RAB12: variants seen among roughly 807,000 people sequenced by gnomAD.
RAB12 encodes the protein ras-related protein Rab-12.
RAB12 carries 11 observed loss-of-function variants against 28.4 expected under a neutral mutation model. The ratio of observed to expected loss-of-function variants is 0.39; its 90% CI spans 0.24 to 0.64. RAB12 has a LOEUF of 0.64. Ranked by LOEUF, RAB12 falls within the 30% of genes least tolerant of loss-of-function variation. RAB12 has a pLI of 0.50. For synonymous variants in RAB12, 138 were observed against 145.3 expected, an observed-to-expected ratio of 0.95 and a Z score of 0.36; for missense variants, 276 against 351.1, an observed-to-expected ratio of 0.79 and a Z score of 1.71.
chr18:8,635,385 C>T (rs1054533301), intron 3 of RAB12, 148 bp from the exon 4 acceptor site: 2 of 616,650 alleles, frequency 3.2e-6, no homozygotes, highest in Non-Finnish European at 5.6e-6. Flanking sequence ...GCTGCCCAGT[C>T]CTGCCTGGGA....
At chr18:8,635,389 C>T in intron 3 of RAB12, 144 bp from the exon 4 acceptor site, 1 of 627,566 alleles carries the variant, frequency 1.6e-6, no homozygotes, top group Admixed American at 3.0e-5. Flanking sequence ...CCCAGTCCTG[C>T]CTGGGAACTG....
intron 1 of RAB12, among the ~76,000 whole-genome samples, chr18:8,621,346 C>T (rs1184339291): frequency 6.6e-6 from 1 of 152,102 alleles, no homozygotes; most frequent in Non-Finnish European, 1.5e-5. Context: ...AATGTTTAGT[C>T]ATGTACTTTG....
intron 3 of RAB12, 36 bp downstream of exon 3, chr18:8,633,363 C>T (rs1450564924): frequency 6.2e-7 from 1 of 1,609,102 alleles, no homozygotes; most frequent in Non-Finnish European, 8.5e-7. Flanking sequence ...TGTGAACTCT[C>T]TGCTTGTGAG....
rs147025532 is a variant in RAB12 at position 8,637,973 on chromosome 18, G to A, written c.910-176G>A. On this transcript the variant is annotated intron_variant, in intron 5 of 5. Transcript: ENST00000649141. The stretch of plus-strand genomic sequence containing the variant: ...AGGGATTGGTCTTGCTGTCTCTTCC[G>A]GGTGGCAGAGGCGGAGGAGAAGGTG... 6.4e-4 allele frequency among the ~76,000 whole-genome samples: 98 copies of A among 152,170 alleles called. No homozygotes were observed. The East Asian group carries it at 0.015, about 23-fold the overall frequency.
At chr18:8,616,605 T>G (rs572261439) in intron 1 of RAB12, among the ~76,000 whole-genome samples, 1 of 152,156 alleles carries the variant, frequency 6.6e-6, no homozygotes, top group Non-Finnish European at 1.5e-5. Flanking sequence ...GCTGGCTTCC[T>G]CTCACCTCTT....
At chr18:8,619,599 A>T (rs2096008623) in intron 1 of RAB12, among the ~76,000 whole-genome samples, 1 of 152,078 alleles carries the variant, frequency 6.6e-6, no homozygotes, top group Non-Finnish European at 1.5e-5. Flanking sequence ...CACCCATCTG[A>T]CTTTTATTAT....
chr18:8,633,776 C>G (rs2096017289), intron 3 of RAB12, among the ~76,000 whole-genome samples: 1 of 152,164 alleles, frequency 6.6e-6, no homozygotes, highest in Admixed American at 6.5e-5. Context: ...TATAGATGCC[C>G]TTTAGCTCCT....
intron 1 of RAB12, among the ~76,000 whole-genome samples, chr18:8,619,135 C>T (rs1330358866): frequency 6.6e-6 from 1 of 152,104 alleles, no homozygotes; most frequent in Non-Finnish European, 1.5e-5. Flanking sequence ...GACTTACTTC[C>T]AAGTCTATGG....
intron 2 of RAB12, among the ~76,000 whole-genome samples, chr18:8,626,242 GTGTT>G (rs1351440822): frequency 6.6e-6 from 1 of 152,228 alleles, no homozygotes; most frequent in Non-Finnish European, 1.5e-5. Flanking sequence ...TGGCAACAAA[GTGTT>G]TGGCACACAA....
chr18:8,610,918 T>C (rs1240406559), intron 1 of RAB12, among the ~76,000 whole-genome samples: 1 of 152,208 alleles, frequency 6.6e-6, no homozygotes, highest in Non-Finnish European at 1.5e-5. Context: ...TATTTATTAA[T>C]AGTGTTATAA....
intron 2 of RAB12, among the ~76,000 whole-genome samples, chr18:8,630,547 C>T (rs1288926290): frequency 6.6e-6 from 1 of 152,158 alleles, no homozygotes; most frequent in African/African-American, 2.4e-5. Flanking sequence ...CTCATCATGG[C>T]CAGCACCAGC....
rs756277789 is a variant in RAB12, at chr18:8,636,359, T to TA, written c.909+10dup. ...CTTGTCGATGACATTCTGAAAAAGG[T>TA]AAAAAAAAGAATCTACATTATAAAA... On this transcript the variant is annotated splice_region_variant and intron_variant, in intron 5 of 5. Transcript: ENST00000649141. 110 of 1,535,918 alleles carry TA rather than the reference T, an allele frequency of 7.2e-5. No homozygotes were observed. Among genetic ancestry groups the TA allele is most frequent in the Middle Eastern group, 3.4e-4 (2 of 5,880 alleles).
chr18:8,613,833 AGT>A (rs2096005219), intron 1 of RAB12, among the ~76,000 whole-genome samples: 1 of 94,552 alleles, frequency 1.1e-5, no homozygotes, highest in South Asian at 3.8e-4. Context: ...AAATAGAAGT[AGT>A]AGTAGTAGTA....
intron 2 of RAB12, among the ~76,000 whole-genome samples, chr18:8,625,280 T>C (rs1019001184): frequency 6.6e-6 from 1 of 152,242 alleles, no homozygotes; most frequent in Non-Finnish European, 1.5e-5. Flanking sequence ...ATTATTTACG[T>C]GATATCAAAA....
At chr18:8,630,321 A>G (rs919649108) in intron 2 of RAB12, among the ~76,000 whole-genome samples, 1 of 152,214 alleles carries the variant, frequency 6.6e-6, no homozygotes, top group Admixed American at 6.5e-5. Context: ...GTAGATTTAA[A>G]CATATTCTGA....
In RAB12 at chr18:8,609,641, G is replaced by C; in HGVS notation, c.202G>C (p.Glu68Gln). Reference protein sequence around the residue: ...EPGADPPRAAEAEGAPGPGAR... With the variant: ...EPGADPPRAAQAEGAPGPGAR... ...CGGGGCCGACCCCCCGCGCGCGGCG[G>C]AGGCCGAGGGGGCGCCGGGGCCCGG... Residue 68 changes from glutamate (E) to glutamine (Q), a missense_variant, in exon 1 of 6, where the codon GAG becomes CAG. Glu to Gln is a conservative substitution (Grantham distance 29). Around this residue, in one of 4 missense-constraint regions of RAB12, gnomAD observed 72 missense variants for 55.5 expected, o/e 1.30. Transcript: ENST00000649141. 1.5e-6 allele frequency: 1 copy of C among 681,244 alleles called. No homozygotes were observed. Among genetic ancestry groups the C allele is most frequent in the Non-Finnish European group, 1.8e-6 (1 of 554,868 alleles). 42.2% of individuals were successfully genotyped at this position (681,244 alleles called of 1,614,324 possible). A position where few individuals can be genotyped will look rare whatever the true frequency, so the allele number is the denominator to read the frequency against.
Position 8,609,687 on chromosome 18 carries a change from G to A in RAB12, c.248G>A (p.Gly83Asp). Residue 83 changes from glycine to aspartate, a missense_variant, in exon 1 of 6, where the codon GGC becomes GAC. Transcript: ENST00000649141. ...PGPGARSRGA[G>D]GGGRRAEREP... The stretch of plus-strand genomic sequence containing the variant: ...CCCGGGGCGCGCAGCCGGGGGGCGG[G>A]CGGCGGCGGGCGGCGGGCCGAGCGG... 4.3e-6 allele frequency: 4 copies of A among 936,494 alleles called. No individual in the cohort carries two copies. Among genetic ancestry groups the A allele is most frequent in the Admixed American group, 6.3e-5 (1 of 15,752 alleles). 58.0% of individuals were successfully genotyped at this position (936,494 alleles called of 1,614,324 possible). A position where few individuals can be genotyped will look rare whatever the true frequency, so the allele number is the denominator to read the frequency against.
At chr18:8,611,798 C>T (rs929566375) in intron 1 of RAB12, among the ~76,000 whole-genome samples, 2 of 152,228 alleles carry the variant, frequency 1.3e-5, no homozygotes, top group Admixed American at 6.5e-5. Context: ...CAAACATGCA[C>T]TTACCCGAGC....
chr18:8,621,279 T>C (rs959232934), intron 1 of RAB12, among the ~76,000 whole-genome samples: 1 of 152,210 alleles, frequency 6.6e-6, no homozygotes, highest in Non-Finnish European at 1.5e-5. Flanking sequence ...ATCCCAGTAT[T>C]AAAAATAGAC....
Sources: allele counts gnomAD v4.1 joint callset (sites outside exome capture counted in the v4.1 genomes callset), GRCh38; gene constraint gnomAD v4.1.1; regional missense constraint gnomAD v4.1.1; transcripts MANE v1.5; gene names NCBI Gene and HGNC (gene_info 2026-07-23, HGNC 2026-07-21).